Variants in ORC3 observed in about 807,000 individuals in gnomAD.
The protein encoded by ORC3 is homolog of latheo, Drosophila.
In ORC3, 78 loss-of-function variants were observed where a neutral mutation model predicts 100.7. The ratio of observed to expected loss-of-function variants is 0.77; its 90% CI spans 0.65 to 0.94. ORC3 has a LOEUF of 0.94. Ranked by LOEUF, ORC3 falls within the 40% of genes least tolerant of loss-of-function variation. The pLI is 0.00. For missense variants in ORC3, 789 were observed against 823.9 expected (o/e 0.96, Z 0.52); for synonymous variants, 295 against 289.3 (o/e 1.02, Z -0.20).
At chr6:87,634,983 G>C (rs1468801942) in intron 12 of ORC3, 22 bp downstream of exon 12, 2 of 1,137,686 alleles carry the variant, frequency 1.8e-6, no homozygotes, top group Non-Finnish European at 2.7e-6. Flanking sequence ...CTCCTCATTT[G>C]TAATCCATGA....
At chr6:87,666,935 C>A in intron 19 of ORC3, 83 bp from the exon 20 acceptor site, 1 of 741,222 alleles carries the variant, frequency 1.3e-6, no homozygotes, top group Non-Finnish European at 2.3e-6. Flanking sequence ...CTTCATTTTA[C>A]CAACTAGTAT....
chr6:87,659,693 C>G, intron 16 of ORC3, among the ~76,000 whole-genome samples: 1 of 151,844 alleles, frequency 6.6e-6, no homozygotes, highest in Non-Finnish European at 1.5e-5. Context: ...ACCAACCTGA[C>G]CATCATGGTG....
intron 11 of ORC3, among the ~76,000 whole-genome samples, chr6:87,632,216 C>T (rs1338787449): frequency 1.3e-5 from 2 of 152,138 alleles, no homozygotes; most frequent in Non-Finnish European, 2.9e-5. Flanking sequence ...AAGGCAGATA[C>T]ATATGTGCAG....
At chr6:87,648,554 G>A (rs1490620347) in intron 13 of ORC3, among the ~76,000 whole-genome samples, 1 of 152,166 alleles carries the variant, frequency 6.6e-6, no homozygotes, top group South Asian at 2.1e-4. Flanking sequence ...AAGCTGAACT[G>A]TCTAGGTTCA....
rs538548044 is a variant in ORC3 at position 87,656,341 on chromosome 6, A to G, written c.1517-565A>G. 2.5e-3 allele frequency among the ~76,000 whole-genome samples: 382 copies of G among 152,268 alleles called. 3 individuals are homozygous for G. Among genetic ancestry groups the G allele is most frequent in the African/African-American group, 8.8e-3 (367 of 41,532 alleles). On this transcript the variant is annotated intron_variant, in intron 14 of 19. Transcript: ENST00000392844. ...GGTGGCTCGTGCCTGTAATCCCAGC[A>G]CTTTGGGAGGCCAAAGCGGGTGGAT...
At chr6:87,592,712 G>C (rs1474115154) in intron 1 of ORC3, among the ~76,000 whole-genome samples, 1 of 152,200 alleles carries the variant, frequency 6.6e-6, no homozygotes, top group Non-Finnish European at 1.5e-5. Flanking sequence ...TTGCACAGCG[G>C]TCTTTAACAC....
chr6:87,612,018 T>C (rs935926148), intron 7 of ORC3, 71 bp from the exon 8 acceptor site: 97 of 1,385,856 alleles, frequency 7.0e-5, no homozygotes, highest in Non-Finnish European at 9.1e-5. Flanking sequence ...GTTTGTCTTA[T>C]GTTGAAATAT....
At position 87,607,780 on chromosome 6, in the gene ORC3, T is replaced by C. The variant is rs546714600; in HGVS notation, c.535T>C (p.Tyr179His). 36 of 1,612,730 alleles carry C rather than the reference T, an allele frequency of 2.2e-5. No homozygotes were observed. In the South Asian group the frequency reaches 3.8e-4, roughly 17 times the overall value. ...SVHVTQRKTH[Y>H]SMDSLSSWYM... is the part of the protein sequence containing the mutation. ...TCACGTCACCCAAAGAAAGACACAT[T>C]ATTCAATGGATTCACTTTCCAGTTG... The change falls in exon 6 of 20, where the codon TAT becomes CAT. Residue 179 changes from tyrosine to histidine, a missense_variant. By Grantham distance (83) the Tyr-to-His change is moderately conservative (BLOSUM62 2). Coordinates refer to ENST00000392844, the MANE Select transcript of ORC3 (RefSeq NM_012381.4).
chr6:87,650,903 A>T (rs995163256), intron 13 of ORC3: 1 of 297,426 alleles, frequency 3.4e-6, no homozygotes, highest in African/African-American at 2.2e-5. Flanking sequence ...GCTACTCGGG[A>T]GGTTGAGGCA....
intron 4 of ORC3, among the ~76,000 whole-genome samples, chr6:87,604,831 T>G (rs1778213908): frequency 6.6e-6 from 1 of 152,202 alleles, no homozygotes; most frequent in Non-Finnish European, 1.5e-5. Context: ...GCTAATATTT[T>G]TATTCTTTGG....
rs572255298 is a variant in ORC3 at position 87,604,846 on chromosome 6, C to T, written c.323-1071C>T. On this transcript the variant is annotated intron_variant, in intron 4 of 19. Transcript: ENST00000392844. ...GCTAATATTTTTATTCTTTGGCTCT[C>T]CTAGAAAAAAAAAATGGTTTATTAT... 9.1e-4 allele frequency among the ~76,000 whole-genome samples: 138 copies of T among 151,738 alleles called. No individual in the cohort carries two copies. The South Asian group carries it at 9.1e-3, about 10-fold the overall frequency.
At chr6:87,664,011 C>T (rs1267527733) in intron 17 of ORC3, among the ~76,000 whole-genome samples, 1 of 151,942 alleles carries the variant, frequency 6.6e-6, no homozygotes, top group Admixed American at 6.6e-5. Context: ...TGGTGAAAAC[C>T]ACTGAATAAT....
chr6:87,597,678 T>TACACACACAC (rs1245994243), intron 2 of ORC3, among the ~76,000 whole-genome samples: 2 of 136,666 alleles, frequency 1.5e-5, no homozygotes, highest in African/African-American at 3.0e-5. Context: ...GATATATATA[T>TACACACACAC]ATACACACAC....
At chr6:87,643,862 C>T (rs890997441) in intron 13 of ORC3, among the ~76,000 whole-genome samples, 2 of 152,078 alleles carry the variant, frequency 1.3e-5, no homozygotes, top group Non-Finnish European at 2.9e-5. Context: ...AAGCTGTGCA[C>T]ATCCTCCCAT....
chr6:87,609,025 A>C (rs527461236), intron 6 of ORC3, 71 bp from the exon 7 acceptor site: 3 of 1,229,282 alleles, frequency 2.4e-6, no homozygotes, highest in East Asian at 2.6e-5. Context: ...ATATGTCAAC[A>C]TGTGGCATTA....
intron 3 of ORC3, among the ~76,000 whole-genome samples, chr6:87,602,230 T>TCAAAAA (rs1235135020): frequency 1.3e-5 from 2 of 152,102 alleles, no homozygotes; most frequent in Non-Finnish European, 2.9e-5. Context: ...AGATCTTGTC[T>TCAAAAA]CAAAAACAAA....
intron 9 of ORC3, 151 bp downstream of exon 9, chr6:87,616,578 T>G (rs1490517902): frequency 2.1e-6 from 1 of 480,930 alleles, no homozygotes; most frequent in African/African-American, 1.9e-5. Flanking sequence ...TACAATTCCT[T>G]TGTTACCTTG....
At chr6:87,601,531 G>A (rs1199069829) in intron 2 of ORC3, among the ~76,000 whole-genome samples, 15 of 152,040 alleles carry the variant, frequency 9.9e-5, no homozygotes, top group Non-Finnish European at 7.4e-5. Flanking sequence ...TTGAGCGGGC[G>A]TGGTGGCACG....
chr6:87,658,506 AGAT>A (rs1769904523), intron 16 of ORC3, among the ~76,000 whole-genome samples: 1 of 152,166 alleles, frequency 6.6e-6, no homozygotes, highest in South Asian at 2.1e-4. Context: ...ATCATTATCA[AGAT>A]GTCTAATCAA....
Sources: gnomAD v4.1 joint callset for allele counts (sites outside exome capture counted in the v4.1 genomes callset) on GRCh38, gnomAD v4.1.1 for gene constraint, MANE v1.5 for transcripts, NCBI Gene and HGNC (gene_info 2026-07-23, HGNC 2026-07-21) for gene names.